The following CAMK1D variants were observed in gnomAD, a reference collection of about 807,000 sequenced individuals.
The protein encoded by CAMK1D is calcium/calmodulin-dependent protein kinase type 1D.
CAMK1D carries 9 observed loss-of-function variants against 47.7 expected under a neutral mutation model. The observed-to-expected ratio is 0.19, with a 90% CI of 0.11 to 0.33. CAMK1D has a LOEUF of 0.33. Among genes scored for constraint, CAMK1D ranks in the 10% least tolerant of loss-of-function variants. The pLI is 1.00. For synonymous variants in CAMK1D, 184 were observed against 184.9 expected (o/e 0.99, Z 0.04); for missense variants, 291 against 488.7 (o/e 0.60, Z 3.81).
chr10:12,776,406 G>A (rs1837248496), intron 5 of CAMK1D, among the ~76,000 whole-genome samples: 1 of 152,158 alleles, frequency 6.6e-6, no homozygotes, highest in African/African-American at 2.4e-5. Context: ...GAGGGCAGCT[G>A]GAACATGACC....
intron 1 of CAMK1D, among the ~76,000 whole-genome samples, chr10:12,358,424 T>C (rs1338354428): frequency 6.6e-6 from 1 of 151,932 alleles, no homozygotes; most frequent in Non-Finnish European, 1.5e-5. Context: ...TCCCAGCTAC[T>C]CGGGAGGCTG....
At chr10:12,553,097 A>G in intron 1 of CAMK1D, 128 bp from the exon 2 acceptor site, 1 of 1,526,470 alleles carries the variant, frequency 6.6e-7, no homozygotes, top group Non-Finnish European at 8.8e-7. Context: ...CGGTGGATAA[A>G]AGTAACAGTA....
chr10:12,622,003 A>T (rs532059729), intron 2 of CAMK1D, among the ~76,000 whole-genome samples: 21 of 152,110 alleles, frequency 1.4e-4, no homozygotes, highest in Admixed American at 1.3e-4. Context: ...GCTCCTTCCC[A>T]CTGTGCAGTG....
At chr10:12,816,803 C>T (rs181513331) in intron 8 of CAMK1D, among the ~76,000 whole-genome samples, 28 of 139,430 alleles carry the variant, frequency 2.0e-4, no homozygotes, top group Admixed American at 3.3e-4. Context: ...ACTCGGGAGG[C>T]GAAGGTTGCA....
intron 1 of CAMK1D, among the ~76,000 whole-genome samples, chr10:12,473,873 T>C (rs1380194265): frequency 6.6e-6 from 1 of 152,222 alleles, no homozygotes; most frequent in African/African-American, 2.4e-5. Flanking sequence ...GGAAGTCCTC[T>C]GCAGTTTTTG....
chr10:12,546,308 C>A (rs182987818), intron 1 of CAMK1D, among the ~76,000 whole-genome samples: 2 of 151,872 alleles, frequency 1.3e-5, no homozygotes, highest in East Asian at 1.9e-4. Context: ...GAGGAGCGGG[C>A]GGGCATTTGA....
chr10:12,569,000 A>T (rs1186262687), intron 2 of CAMK1D, among the ~76,000 whole-genome samples: 3 of 152,218 alleles, frequency 2.0e-5, no homozygotes, highest in African/African-American at 7.2e-5. Flanking sequence ...TATCACAGCG[A>T]CAAGGAGTGT....
intron 2 of CAMK1D, among the ~76,000 whole-genome samples, chr10:12,644,719 C>T (rs549678380): frequency 4.3e-4 from 66 of 152,194 alleles, no homozygotes; most frequent in Non-Finnish European, 7.2e-4. Flanking sequence ...TAAACATTTT[C>T]CTTACTGGCA....
chr10:12,709,296 G>A (rs1833847079), intron 3 of CAMK1D, among the ~76,000 whole-genome samples: 1 of 152,090 alleles, frequency 6.6e-6, no homozygotes, highest in Non-Finnish European at 1.5e-5. Flanking sequence ...GAGAAAATGT[G>A]AGGAGTGCTA....
chr10:12,757,881 G>A (rs1347008247), intron 3 of CAMK1D, among the ~76,000 whole-genome samples: 2 of 126,854 alleles, frequency 1.6e-5, no homozygotes, highest in East Asian at 4.8e-4. Context: ...TTTTTGAGAT[G>A]GAGTCTTGCT....
At chr10:12,820,072 ACT>A (rs2131102224) in intron 8 of CAMK1D, among the ~76,000 whole-genome samples, 1 of 152,096 alleles carries the variant, frequency 6.6e-6, no homozygotes, top group East Asian at 1.9e-4. Context: ...TGGGAGCCTC[ACT>A]CTGTCGCCAG....
At chr10:12,634,205 C>G (rs1396399127) in intron 2 of CAMK1D, among the ~76,000 whole-genome samples, 1 of 152,240 alleles carries the variant, frequency 6.6e-6, no homozygotes, top group Non-Finnish European at 1.5e-5. Context: ...AATTTCTTTG[C>G]AGGTCCTTGT....
intron 1 of CAMK1D, among the ~76,000 whole-genome samples, chr10:12,464,455 C>T (rs538738354): frequency 6.6e-6 from 1 of 152,236 alleles, no homozygotes; most frequent in Admixed American, 6.5e-5. Context: ...CTTTACCTAC[C>T]CTCCCCCACC....
intron 3 of CAMK1D, among the ~76,000 whole-genome samples, chr10:12,729,453 T>C (rs1384413057): frequency 1.3e-5 from 2 of 151,852 alleles, no homozygotes; most frequent in African/African-American, 4.8e-5. Flanking sequence ...CTGGGTAACA[T>C]AGCAAGACCT....
chr10:12,626,109 A>G (rs1287951033), intron 2 of CAMK1D, among the ~76,000 whole-genome samples: 1 of 152,146 alleles, frequency 6.6e-6, no homozygotes, highest in Non-Finnish European at 1.5e-5. Flanking sequence ...GTTTTTAACC[A>G]GTCTTTTTTT....
chr10:12,771,313 T>TA (rs1227977565), intron 5 of CAMK1D, among the ~76,000 whole-genome samples: 1 of 152,190 alleles, frequency 6.6e-6, no homozygotes, highest in Non-Finnish European at 1.5e-5. Flanking sequence ...GGAGGTATGT[T>TA]ATGTGACCAG....
intron 1 of CAMK1D, among the ~76,000 whole-genome samples, chr10:12,365,770 G>A (rs115121204): frequency 6.6e-6 from 1 of 152,082 alleles, no homozygotes; most frequent in Non-Finnish European, 1.5e-5. Flanking sequence ...GTTTCCTTCT[G>A]TGCTGGCTGG....
chr10:12,788,190 A>T, intron 5 of CAMK1D, among the ~76,000 whole-genome samples: 1 of 141,572 alleles, frequency 7.1e-6, no homozygotes, highest in South Asian at 2.5e-4. Flanking sequence ...TTTTATTTTT[A>T]TTTATGTATT....
intron 3 of CAMK1D, among the ~76,000 whole-genome samples, chr10:12,734,345 A>AATAT (rs1212612487): frequency 1.5e-3 from 13 of 8,474 alleles, no homozygotes; most frequent in African/African-American, 3.8e-3. Flanking sequence ...AAAAAAAAAA[A>AATAT]ATATATATAT....
Sources: gnomAD v4.1 joint callset for allele counts (sites outside exome capture counted in the v4.1 genomes callset) on GRCh38, gnomAD v4.1.1 for gene constraint, MANE v1.5 for transcripts, NCBI Gene and HGNC (gene_info 2026-07-23, HGNC 2026-07-21) for gene names.